RNASEH2B: variants seen among roughly 807,000 people sequenced by gnomAD.
The protein encoded by RNASEH2B is Aicardi-Goutieres syndrome 2 protein.
RNASEH2B carries 36 observed loss-of-function variants against 45.0 expected under a neutral mutation model. The observed-to-expected ratio is 0.80, with a 90% confidence interval of 0.61 to 1.06. The LOEUF is 1.06. RNASEH2B is among the 50% of genes least tolerant of loss of function. The pLI, the probability that RNASEH2B is intolerant of heterozygous loss-of-function variation, is 0.00. For missense variants in RNASEH2B, 361 were observed against 360.3 expected (o/e 1.00, Z -0.02); for synonymous variants, 119 against 125.7 (o/e 0.95, Z 0.35).
At chr13:50,966,141 A>G (rs1396437165) in intron 9 of RNASEH2B, among the ~76,000 whole-genome samples, 1 of 152,230 alleles carries the variant, frequency 6.6e-6, no homozygotes, top group Non-Finnish European at 1.5e-5. Flanking sequence ...TTAGGAATAA[A>G]TCCATGTGGG....
chr13:50,963,482 A>T (rs1408204855), intron 9 of RNASEH2B, among the ~76,000 whole-genome samples: 1 of 152,132 alleles, frequency 6.6e-6, no homozygotes, highest in East Asian at 1.9e-4. Context: ...TGTAATTTTT[A>T]GTTCTAGACG....
intron 1 of RNASEH2B, 68 bp downstream of exon 1, chr13:50,910,208 C>A: frequency 8.5e-7 from 1 of 1,179,506 alleles, no homozygotes; most frequent in Non-Finnish European, 1.1e-6. Flanking sequence ...ACCCCGGGCG[C>A]GCCGCCCCCC....
At chr13:50,932,135 G>A (rs912974685) in intron 4 of RNASEH2B, among the ~76,000 whole-genome samples, 4 of 152,150 alleles carry the variant, frequency 2.6e-5, no homozygotes, top group African/African-American at 7.2e-5. Context: ...AATCTTTCCC[G>A]TGAAATGACA....
At chr13:50,924,062 ACCC>A (rs1951558323) in intron 1 of RNASEH2B, among the ~76,000 whole-genome samples, 1 of 152,208 alleles carries the variant, frequency 6.6e-6, no homozygotes, top group African/African-American at 2.4e-5. Context: ...CAAAAATGGT[ACCC>A]TAGAAAACAT....
intron 9 of RNASEH2B, among the ~76,000 whole-genome samples, chr13:50,963,864 A>G (rs1427853063): frequency 6.6e-6 from 1 of 152,210 alleles, no homozygotes; most frequent in East Asian, 1.9e-4. Context: ...GTGATGGTAC[A>G]TTGCATTTAG....
At chr13:50,924,993 T>G (rs1444879180) in intron 1 of RNASEH2B, among the ~76,000 whole-genome samples, 1 of 152,212 alleles carries the variant, frequency 6.6e-6, no homozygotes, top group East Asian at 1.9e-4. Flanking sequence ...TTCAAGTTTT[T>G]TTTTTGTTCC....
At chr13:50,911,591 A>G (rs1395932712) in intron 1 of RNASEH2B, 1 of 152,194 alleles carries the variant, frequency 6.6e-6, no homozygotes, top group African/African-American at 2.4e-5. Flanking sequence ...AAGTGGTTAT[A>G]CTGATTTATA....
chr13:50,919,009 G>A (rs1951483639), intron 1 of RNASEH2B, among the ~76,000 whole-genome samples: 1 of 152,152 alleles, frequency 6.6e-6, no homozygotes, highest in Non-Finnish European at 1.5e-5. Flanking sequence ...TCTCCTCCAT[G>A]TAACAGTGGG....
intron 1 of RNASEH2B, among the ~76,000 whole-genome samples, chr13:50,919,672 A>G (rs1951491678): frequency 6.6e-6 from 1 of 152,210 alleles, no homozygotes; most frequent in African/African-American, 2.4e-5. Context: ...GAGGTATGGG[A>G]CTTCAGATTA....
At chr13:50,943,708 G>T (rs1171254810) in intron 6 of RNASEH2B, among the ~76,000 whole-genome samples, 1 of 152,180 alleles carries the variant, frequency 6.6e-6, no homozygotes, top group Admixed American at 6.5e-5. Context: ...CTTGGCACTT[G>T]TTGGCCACTG....
chr13:50,954,240 A>G lies in RNASEH2B; in HGVS notation c.822+255A>G, dbSNP rs1479699073. On this transcript the variant is annotated intron_variant, in intron 10 of 10. Transcript: ENST00000336617. ...TGCCTAAATTTTGCTATGTATTCAT[A>G]GAGTGATAGGGTGGGAAAGGAGGGA... is the stretch of plus-strand genomic sequence containing the variant. 3 of 590,510 alleles carry G rather than the reference A, an allele frequency of 5.1e-6. No individual in the cohort carries two copies. In the East Asian group the frequency reaches 8.4e-5, roughly 16 times the overall value. The allele number at this position is 590,510 out of a possible 1,614,324, so 36.6% of individuals were successfully genotyped here. A position where few individuals can be genotyped will look rare whatever the true frequency, so the allele number is the denominator to read the frequency against.
chr13:50,941,412 G>A (rs1163870912), intron 5 of RNASEH2B: 2 of 152,216 alleles, frequency 1.3e-5, no homozygotes, highest in Non-Finnish European at 2.9e-5. Context: ...CAGAGGTAGA[G>A]GAGAAGCCTC....
intron 9 of RNASEH2B, among the ~76,000 whole-genome samples, chr13:50,963,935 C>T (rs183515737): frequency 2.0e-5 from 3 of 152,314 alleles, no homozygotes; most frequent in South Asian, 2.1e-4. Context: ...CGTTGGCTCA[C>T]GCCTGTAATC....
chr13:50,929,010 C>T (rs1348270961), intron 2 of RNASEH2B, among the ~76,000 whole-genome samples: 2 of 144,418 alleles, frequency 1.4e-5, no homozygotes, highest in Admixed American at 1.4e-4. Flanking sequence ...GCTTTACTCA[C>T]TCCCTATGGC....
chr13:50,912,018 T>C (rs889147079), intron 1 of RNASEH2B: 20 of 152,210 alleles, frequency 1.3e-4, no homozygotes, highest in African/African-American at 4.8e-4. Flanking sequence ...TATCTACTGC[T>C]GGGTTGTGGG....
intron 1 of RNASEH2B, among the ~76,000 whole-genome samples, chr13:50,913,327 ATTTTTCTTGTTAATGCTACTAAG>A (rs989444885): frequency 2.6e-5 from 4 of 151,932 alleles, no homozygotes; most frequent in African/African-American, 9.7e-5. Context: ...TCTTAAGTCC[ATTTTTCTTGTTAATGCTACTAAG>A]TTGGGATGTA....
At chr13:50,953,000 A>C (rs1951996606) in intron 9 of RNASEH2B, 2 of 152,200 alleles carry the variant, frequency 1.3e-5, no homozygotes, top group South Asian at 4.1e-4. Flanking sequence ...GGGCATGAAG[A>C]ATGAAGCTGG....
chr13:50,943,203 G>T, intron 5 of RNASEH2B, 118 bp from the exon 6 acceptor site: 2 of 690,126 alleles, frequency 2.9e-6, no homozygotes, highest in Non-Finnish European at 5.0e-6. Context: ...TGTAAATTAA[G>T]CTTTTCAAGA....
At chr13:50,913,143 T>A (rs545426673) in intron 1 of RNASEH2B, 3 of 152,218 alleles carry the variant, frequency 2.0e-5, no homozygotes, top group Non-Finnish European at 2.9e-5. Flanking sequence ...CAAGCATTTC[T>A]TTTAGTTTGG....
Sources: allele counts gnomAD v4.1 joint callset (sites outside exome capture counted in the v4.1 genomes callset), GRCh38; gene constraint gnomAD v4.1.1; transcripts MANE v1.5; gene names NCBI Gene and HGNC (gene_info 2026-07-23, HGNC 2026-07-21).